Variants in AKAP19 observed in about 807,000 individuals in gnomAD.
AKAP19 encodes small A-kinase anchoring protein.
chr2:189,981,113 T>C, the AKAP19 span, among the ~76,000 whole-genome samples: 1 of 152,234 alleles, frequency 6.6e-6, no homozygotes, highest in Admixed American at 6.5e-5. Flanking sequence ...TCAATGGGGT[T>C]GTTGAAGTCC....
the AKAP19 span, among the ~76,000 whole-genome samples, chr2:189,972,259 T>G: frequency 6.6e-6 from 1 of 152,214 alleles, no homozygotes; most frequent in African/African-American, 2.4e-5. Context: ...CTTTTCTTGT[T>G]TTTGTCAGGT....
At chr2:189,881,488 A>C in the AKAP19 span, among the ~76,000 whole-genome samples, 2 of 152,196 alleles carry the variant, frequency 1.3e-5, no homozygotes, top group Non-Finnish European at 2.9e-5. Context: ...AGGCAGAAAA[A>C]CAATAAACAA....
the AKAP19 span, among the ~76,000 whole-genome samples, chr2:190,098,182 A>G: frequency 2.6e-5 from 4 of 152,140 alleles, no homozygotes; most frequent in Non-Finnish European, 5.9e-5. Flanking sequence ...CTTTGCCCAG[A>G]TTTATCAGAG....
the AKAP19 span, among the ~76,000 whole-genome samples, chr2:190,146,379 T>C: frequency 6.6e-6 from 1 of 152,226 alleles, no homozygotes; most frequent in Non-Finnish European, 1.5e-5. Context: ...CTTTATCCAC[T>C]CGTTGATTGA....
the AKAP19 span, among the ~76,000 whole-genome samples, chr2:189,974,801 A>G: frequency 1.3e-5 from 2 of 151,428 alleles, no homozygotes; most frequent in South Asian, 4.2e-4. Flanking sequence ...TAAGATTGCA[A>G]CCCCTGCCTT....
the AKAP19 span, among the ~76,000 whole-genome samples, chr2:189,945,816 T>C: frequency 6.6e-6 from 1 of 152,202 alleles, no homozygotes; most frequent in Non-Finnish European, 1.5e-5. Flanking sequence ...TCTGAAGTTA[T>C]ACCTACCTGG....
At chr2:190,170,295 A>AG in the AKAP19 span, among the ~76,000 whole-genome samples, 1 of 152,206 alleles carries the variant, frequency 6.6e-6, no homozygotes, top group African/African-American at 2.4e-5. Context: ...ATTTGGGAGC[A>AG]GGGGGGAACA....
At chr2:189,916,225 C>T in the AKAP19 span, among the ~76,000 whole-genome samples, 1 of 151,978 alleles carries the variant, frequency 6.6e-6, no homozygotes, top group African/African-American at 2.4e-5. Context: ...AATATCATAG[C>T]CAGGACATTA....
the AKAP19 span, among the ~76,000 whole-genome samples, chr2:190,053,701 T>G: frequency 2.6e-5 from 4 of 152,166 alleles, no homozygotes; most frequent in African/African-American, 9.7e-5. Context: ...TTGGTAGTAC[T>G]CGTATGTTTT....
the AKAP19 span, among the ~76,000 whole-genome samples, chr2:190,191,211 C>T: frequency 1.3e-5 from 2 of 152,082 alleles, no homozygotes; most frequent in African/African-American, 2.4e-5. Context: ...GATCTCAGCT[C>T]ACTGCAACCT....
the AKAP19 span, among the ~76,000 whole-genome samples, chr2:189,975,271 T>G: frequency 6.6e-6 from 1 of 152,224 alleles, no homozygotes; most frequent in East Asian, 1.9e-4. Context: ...AAATTCTGGG[T>G]TGAAAATTCT....
At chr2:190,084,906 G>A in the AKAP19 span, among the ~76,000 whole-genome samples, 2 of 152,220 alleles carry the variant, frequency 1.3e-5, no homozygotes, top group Non-Finnish European at 2.9e-5. Flanking sequence ...TCCTGTTGGG[G>A]TCAGATGCAT....
the AKAP19 span, among the ~76,000 whole-genome samples, chr2:190,136,395 T>C: frequency 6.6e-6 from 1 of 152,190 alleles, no homozygotes; most frequent in Non-Finnish European, 1.5e-5. Context: ...TGGAGCTGCT[T>C]GCTTTCATTC....
chr2:189,974,827 T>G, the AKAP19 span, among the ~76,000 whole-genome samples: 1 of 152,230 alleles, frequency 6.6e-6, no homozygotes, highest in Admixed American at 6.5e-5. Flanking sequence ...GTTTTCCATT[T>G]GCTTGGTAGA....
chr2:190,023,108 G>A, the AKAP19 span, among the ~76,000 whole-genome samples: 1 of 152,070 alleles, frequency 6.6e-6, no homozygotes, highest in South Asian at 2.1e-4. Flanking sequence ...TTATGTTTAT[G>A]TCTATATATG....
chr2:189,920,236 A>G, the AKAP19 span, among the ~76,000 whole-genome samples: 1 of 152,216 alleles, frequency 6.6e-6, no homozygotes, highest in Non-Finnish European at 1.5e-5. Context: ...TCAATATAGG[A>G]CTGATATGGC....
chr2:190,139,551 C>T, the AKAP19 span, among the ~76,000 whole-genome samples: 1 of 152,126 alleles, frequency 6.6e-6, no homozygotes, highest in Non-Finnish European at 1.5e-5. Flanking sequence ...ACAATCATGG[C>T]AGAAGGGGAA....
the AKAP19 span, among the ~76,000 whole-genome samples, chr2:190,191,482 T>G: frequency 6.6e-6 from 1 of 152,222 alleles, no homozygotes; most frequent in South Asian, 2.1e-4. Flanking sequence ...AATTTTCATG[T>G]ATCTAGGGTA....
the AKAP19 span, among the ~76,000 whole-genome samples, chr2:190,086,381 T>A: frequency 6.6e-6 from 1 of 152,228 alleles, no homozygotes; most frequent in Non-Finnish European, 1.5e-5. Flanking sequence ...TGCAGGAAGA[T>A]GACGAATCTC....
Sources: gnomAD v4.1 joint callset for allele counts (sites outside exome capture counted in the v4.1 genomes callset) on GRCh38, gnomAD v4.1.1 for gene constraint, MANE v1.5 for transcripts, NCBI Gene and HGNC (gene_info 2026-07-23, HGNC 2026-07-21) for gene names.